Variants in EVI5 observed in about 807,000 individuals in gnomAD.
EVI5 encodes ecotropic viral integration site 5.
Under a neutral mutation model 112.0 loss-of-function variants are expected in EVI5, and 73 were observed. That is an observed-to-expected ratio of 0.65 (90% confidence interval 0.54 to 0.79). The LOEUF (loss-of-function observed/expected upper bound fraction) is 0.79, where lower values mean the gene tolerates loss of function less well. Among genes scored for constraint, EVI5 ranks in the 30% least tolerant of loss-of-function variants. The probability of loss-of-function intolerance (pLI) is 0.00; values close to 1 mark genes in which losing one functional copy is unlikely to be tolerated. For synonymous variants in EVI5, 305 were observed against 319.9 expected (o/e 0.95, Z 0.50); for missense variants, 900 against 968.8 (o/e 0.93, Z 0.94).
chr1:92,572,411 A>C (rs1189411073), intron 18 of EVI5, among the ~76,000 whole-genome samples: 1 of 152,138 alleles, frequency 6.6e-6, no homozygotes, highest in African/African-American at 2.4e-5. Flanking sequence ...TCACAGTAAA[A>C]TACTGGGAGG....
intron 1 of EVI5, among the ~76,000 whole-genome samples, chr1:92,750,476 G>A (rs938927628): frequency 1.3e-5 from 2 of 152,138 alleles, no homozygotes; most frequent in South Asian, 2.1e-4. Flanking sequence ...TCACGAACAC[G>A]CTGAAAAACA....
chr1:92,725,299 C>T (rs552592472), intron 2 of EVI5, among the ~76,000 whole-genome samples: 25 of 152,272 alleles, frequency 1.6e-4, no homozygotes, highest in East Asian at 9.6e-4. Flanking sequence ...GGAAAAGTTA[C>T]TGTTTCAAGA....
chr1:92,735,811 TTATA>T (rs1677320440), intron 2 of EVI5, among the ~76,000 whole-genome samples: 1 of 143,434 alleles, frequency 7.0e-6, no homozygotes, highest in Admixed American at 7.1e-5. Flanking sequence ...ATTTTGTATA[TTATA>T]TATTATTATA....
chr1:92,651,338 G>A (rs1342694381), intron 13 of EVI5, among the ~76,000 whole-genome samples: 1 of 152,032 alleles, frequency 6.6e-6, no homozygotes, highest in Non-Finnish European at 1.5e-5. Context: ...TGACTAAATT[G>A]GCCGCTACTT....
chr1:92,606,064 T>C (rs1035072056), intron 17 of EVI5, among the ~76,000 whole-genome samples: 1 of 152,160 alleles, frequency 6.6e-6, no homozygotes, highest in South Asian at 2.1e-4. Flanking sequence ...ATTGAATAAA[T>C]TAACACACAG....
At chr1:92,514,009 G>A (rs1659472424) in intron 19 of EVI5, 39 bp from the exon 20 acceptor site, 2 of 1,238,528 alleles carry the variant, frequency 1.6e-6, no homozygotes, top group East Asian at 2.4e-5. Flanking sequence ...GTCAAATGGG[G>A]GAAACACACA....
intron 18 of EVI5, among the ~76,000 whole-genome samples, chr1:92,570,466 A>G (rs1463706213): frequency 6.6e-6 from 1 of 152,216 alleles, no homozygotes; most frequent in Non-Finnish European, 1.5e-5. Context: ...TCCAACTTGG[A>G]GAAAAGTATC....
chr1:92,529,265 T>C (rs1662442124), intron 19 of EVI5, among the ~76,000 whole-genome samples: 1 of 152,336 alleles, frequency 6.6e-6, no homozygotes, highest in African/African-American at 2.4e-5. Flanking sequence ...CTTCAACATA[T>C]TATGCTCCTT....
intron 18 of EVI5, among the ~76,000 whole-genome samples, chr1:92,592,213 G>A (rs9660882): frequency 0.92 from 140,047 of 152,030 alleles, 64,587 homozygotes; most frequent in East Asian, 0.97. Flanking sequence ...ACTGCACTCC[G>A]GCCTAGGTGA....
At chr1:92,681,001 T>C (rs987732677) in intron 9 of EVI5, among the ~76,000 whole-genome samples, 3 of 152,104 alleles carry the variant, frequency 2.0e-5, no homozygotes, top group Non-Finnish European at 2.9e-5. Context: ...GTGGGGGAGA[T>C]AGTTATACAG....
In EVI5 at chr1:92,666,811, T is replaced by A. The variant is rs142410288; in HGVS notation, c.1159-819A>T. 4.0e-3 allele frequency among the ~76,000 whole-genome samples: 607 copies of A among 152,342 alleles called. 3 individuals are homozygous for A. The highest frequency in any genetic ancestry group is 0.011 in the Admixed American group (165 of 15,300). ...ATATAGAAATAAGCCCTTCCATTTCTATACATACTTACCATAATGACTCAT... is the reference window on the plus strand; with the variant it reads ...ATATAGAAATAAGCCCTTCCATTTCAATACATACTTACCATAATGACTCAT... On this transcript the variant is annotated intron_variant, in intron 10 of 19. Transcript: ENST00000684568.
intron 1 of EVI5, among the ~76,000 whole-genome samples, chr1:92,761,907 C>T (rs532342359): frequency 1.3e-5 from 2 of 150,076 alleles, no homozygotes; most frequent in South Asian, 2.1e-4. Context: ...TGGGAATAAA[C>T]GCCCATGCAA....
intron 9 of EVI5, among the ~76,000 whole-genome samples, chr1:92,684,422 C>A (rs1184186804): frequency 1.3e-5 from 2 of 152,178 alleles, no homozygotes; most frequent in African/African-American, 4.8e-5. Context: ...TGGAAAAGAA[C>A]AACTGGTGCC....
upstream of EVI5, among the ~76,000 whole-genome samples, chr1:92,786,672 C>T (rs1685662271): frequency 6.6e-6 from 1 of 152,168 alleles, no homozygotes; most frequent in South Asian, 2.1e-4. Context: ...CTAATCTCAA[C>T]ACAACAGGCA....
intron 13 of EVI5, among the ~76,000 whole-genome samples, chr1:92,642,182 A>G (rs1003872135): frequency 2.0e-5 from 3 of 152,208 alleles, no homozygotes; most frequent in Non-Finnish European, 2.9e-5. Flanking sequence ...TTTGCGCTCA[A>G]CATCCAAAAA....
chr1:92,715,815 G>A (rs116265791), intron 2 of EVI5, among the ~76,000 whole-genome samples: 2,892 of 152,154 alleles, frequency 0.019, 108 homozygotes, highest in African/African-American at 0.065. Flanking sequence ...TATATCTCGC[G>A]CCTGGCTCGG....
intron 14 of EVI5, among the ~76,000 whole-genome samples, chr1:92,633,712 A>G (rs76637712): frequency 6.6e-6 from 1 of 152,180 alleles, no homozygotes; most frequent in Non-Finnish European, 1.5e-5. Context: ...TGATCCTGAC[A>G]TTATGATGTT....
intron 1 of EVI5, among the ~76,000 whole-genome samples, chr1:92,769,478 G>A (rs547372445): frequency 6.6e-6 from 1 of 151,900 alleles, no homozygotes; most frequent in African/African-American, 2.4e-5. Flanking sequence ...CTCCTCTCAC[G>A]CCCCCTGCCA....
intron 9 of EVI5, 101 bp from the exon 10 acceptor site, chr1:92,677,319 C>A: frequency 3.3e-6 from 2 of 598,870 alleles, no homozygotes; most frequent in Admixed American, 7.2e-5. Context: ...AATACAATTT[C>A]TTTAGTTTCT....
Sources: gnomAD v4.1 joint callset for allele counts (sites outside exome capture counted in the v4.1 genomes callset) on GRCh38, gnomAD v4.1.1 for gene constraint, MANE v1.5 for transcripts, NCBI Gene and HGNC (gene_info 2026-07-23, HGNC 2026-07-21) for gene names.